Variants in RNH1 observed in about 807,000 individuals in gnomAD.
RNH1 encodes the protein ribonuclease/angiogenin inhibitor 1, also known as ribonuclease inhibitor.
A neutral mutation model predicts 46.1 loss-of-function variants in RNH1; 38 were observed. The ratio of observed to expected loss-of-function variants is 0.82; its 90% CI spans 0.64 to 1.08. The LOEUF (loss-of-function observed/expected upper bound fraction) is 1.08, where lower values mean the gene tolerates loss of function less well. Among genes scored for constraint, RNH1 ranks in the 50% least tolerant of loss-of-function variants. The pLI is 0.00. For synonymous variants in RNH1, 319 were observed against 279.1 expected, an observed-to-expected ratio of 1.14 and a Z score of -1.43; for missense variants, 577 against 590.7, an observed-to-expected ratio of 0.98 and a Z score of 0.24.
intron 5 of RNH1, 85 bp downstream of exon 5, chr11:499,744 T>G (rs1460306876): frequency 1.3e-6 from 2 of 1,529,072 alleles, no homozygotes; most frequent in African/African-American, 2.7e-5. Context: ...TCCTCACGGC[T>G]CCTGGCAGGC....
At position 497,926 on chromosome 11, in the gene RNH1, A is replaced by G. The variant is rs770439035; in HGVS notation, c.1127+45T>C. ...CTCGCCCTTGTGTGCACACACGGGCATATGATCTCCCAAATGTGCATACTC... is the reference window on the plus strand; with the variant it reads ...CTCGCCCTTGTGTGCACACACGGGCGTATGATCTCCCAAATGTGCATACTC... On this transcript the variant is annotated intron_variant, in intron 9 of 10. Coordinates refer to ENST00000354420, the MANE Select transcript of RNH1 (RefSeq NM_203387.3). 5.0e-6 allele frequency: 8 copies of G among 1,585,296 alleles called. 1 individual carries two copies. The East Asian group carries it at 1.1e-4, about 22-fold the overall frequency.
intron 5 of RNH1, 69 bp from the exon 6 acceptor site, chr11:499,254 C>T (rs1849493217): frequency 2.1e-5 from 32 of 1,553,022 alleles, no homozygotes; most frequent in Admixed American, 6.9e-5. Flanking sequence ...CCAGGGAGCA[C>T]GGGGTGTGCT....
At chr11:499,596 G>A (rs1456563921) in intron 5 of RNH1, 2 of 718,910 alleles carry the variant, frequency 2.8e-6, no homozygotes, top group Non-Finnish European at 5.0e-6. Context: ...CCTTGCAAAG[G>A]ACAACTGGAT....
At position 507,151 on chromosome 11, in the gene RNH1, C is replaced by G. The variant is rs1199878919; in HGVS notation, c.-299G>C. The stretch of plus-strand genomic sequence containing the variant: ...GCGGACGGTCGCGGGCCTGGAGACC[C>G]AGAGCGAGACGGCCTACTTCGTTCT... On this transcript the variant is annotated 5_prime_UTR_variant, in exon 1 of 11. Coordinates refer to ENST00000354420, the MANE Select transcript of RNH1 (RefSeq NM_203387.3). 4 of 152,224 alleles carry G rather than the reference C, an allele frequency of 2.6e-5. No homozygotes were observed. The highest frequency in any genetic ancestry group is 5.9e-5 in the Non-Finnish European group (4 of 68,058). The allele number at this position is 152,224 out of a possible 1,614,324, so 9.4% of individuals were successfully genotyped here.
chr11:494,855 G>A (rs774463224), intron 10 of RNH1, 28 bp downstream of exon 10: 104 of 1,610,712 alleles, frequency 6.5e-5, no homozygotes, highest in Non-Finnish European at 7.9e-5. Flanking sequence ...AGCCCTGGCC[G>A]CACCACCCGC....
At chr11:498,198 G>T in intron 8 of RNH1, 57 bp from the exon 9 acceptor site, 1 of 1,546,080 alleles carries the variant, frequency 6.5e-7, no homozygotes, top group Non-Finnish European at 8.7e-7. Context: ...CCACAGCTGC[G>T]ACTGGCCCTT....
chr11:495,753 A>T (rs576805065), intron 9 of RNH1, among the ~76,000 whole-genome samples: 3 of 152,238 alleles, frequency 2.0e-5, no homozygotes, highest in African/African-American at 7.2e-5. Flanking sequence ...CCTGGCAGGG[A>T]ACTGAAAATC....
rs767447280 is a variant in RNH1, at chr11:495,052, A to G, written c.1129T>C (p.Leu377=). Residue 377 remains leucine, a splice_region_variant and synonymous_variant, in exon 10 of 11, where the codon TTG becomes CTG. Coordinates refer to ENST00000354420, the MANE Select transcript of RNH1 (RefSeq NM_203387.3). ...QPGSVLRVLW[L]ADCDVSDSSC... is the part of the protein sequence containing the mutation. ...CTGTCACTCACATCGCAGTCGGCCA[A>G]CCTGGGTGAAGCAGGGCGGGGGTCA... 6.2e-7 allele frequency: 1 copy of G among 1,603,790 alleles called. No individual in the cohort carries two copies. Among genetic ancestry groups the G allele is most frequent in the East Asian group, 2.2e-5 (1 of 44,612 alleles).
At position 502,945 on chromosome 11, in the gene RNH1, G is replaced by T. The variant is rs1240526867; in HGVS notation, c.-87-696C>A. Reference sequence around the variant, plus strand: ...CCAGGCACAGGCCCTGAATATGGAAGGAGGTTCCTGAGGCCCTGAGAGCAC... The same window carrying T: ...CCAGGCACAGGCCCTGAATATGGAATGAGGTTCCTGAGGCCCTGAGAGCAC... On this transcript the variant is annotated intron_variant, in intron 2 of 10. Transcript: ENST00000354420. This position sits in a 1 kb window ranked among gnomAD's most constrained non-coding sequence, Gnocchi z 5.8. The T allele has an allele frequency of 6.6e-6, 1 of 152,316 alleles. No individual in the cohort carries two copies. The highest frequency in any genetic ancestry group is 1.5e-5 in the Non-Finnish European group (1 of 68,106). The allele number at this position is 152,316 out of a possible 1,614,324, so 9.4% of individuals were successfully genotyped here. A position where few individuals can be genotyped will look rare whatever the true frequency, so the allele number is the denominator to read the frequency against.
Position 502,618 on chromosome 11 carries a change from G to C in RNH1, c.-87-369C>G, listed in dbSNP as rs1849855243. The C allele has an allele frequency of 4.8e-6, 1 of 210,292 alleles. No homozygotes were observed. The highest frequency in any genetic ancestry group is 7.7e-5 in the South Asian group (1 of 12,922). 13.0% of individuals were successfully genotyped at this position (210,292 alleles called of 1,614,324 possible). On this transcript the variant is annotated intron_variant, in intron 2 of 10. Transcript: ENST00000354420. This position sits in a 1 kb window ranked among gnomAD's most constrained non-coding sequence, Gnocchi z 5.8. ...AGCAGGGGAGCAAGGGGGTCTGTGG[G>C]CTTGACCTGTGTCTCACCCTCAGGA...
At chr11:497,777 ACTCT>A (rs143514190) in intron 9 of RNH1, among the ~76,000 whole-genome samples, 190 bp downstream of exon 9, 9 of 148,834 alleles carry the variant, frequency 6.0e-5, no homozygotes, top group Admixed American at 2.7e-4. Context: ...ACACGTGCTC[ACTCT>A]CACATGCTCA....
At position 494,768 on chromosome 11, in the gene RNH1, TGTC is replaced by T. The variant is rs767062104; in HGVS notation, c.1306_1308del (p.Asp436del). On this transcript the variant is annotated inframe_deletion, in exon 11 of 11. Transcript: ENST00000354420. ...TCCTCCATCTCCTCAGACCAGTAAA[TGTC>T]GTACAGGCTGCACACAGGCCAGAAG... 22 of 1,613,774 alleles carry T rather than the reference TGTC, an allele frequency of 1.4e-5. No individual in the cohort carries two copies. The highest frequency in any genetic ancestry group is 8.8e-5 in the South Asian group (8 of 91,090).
intron 3 of RNH1, 88 bp from the exon 4 acceptor site, chr11:500,742 T>A (rs1309731271): frequency 7.2e-7 from 1 of 1,396,026 alleles, no homozygotes; most frequent in Non-Finnish European, 9.9e-7. Context: ...TTACAACCTA[T>A]CAGTGGGCCC....
Position 494,984 on chromosome 11 carries a change from G to A in RNH1, c.1197C>T (p.Ser399=). The stretch of plus-strand genomic sequence containing the variant: ...TGTTGCTGAGGTCCAGCTCACGCAG[G>A]CTGTGGTTGGCCAACAGGGTTGCGG... ...SLAATLLANH[S]LRELDLSNNC... Residue 399 remains serine, a synonymous_variant, in exon 10 of 11, where the codon AGC becomes AGT. Transcript: ENST00000354420. 4 of 1,605,462 alleles carry A rather than the reference G, an allele frequency of 2.5e-6. No homozygotes were observed. Among genetic ancestry groups the A allele is most frequent in the Non-Finnish European group, 2.6e-6 (3 of 1,176,452 alleles).
At position 498,516 on chromosome 11, in the gene RNH1, C is replaced by G. The variant is rs1156738638; in HGVS notation, c.897G>C (p.Glu299Asp). 1 of 1,613,226 alleles carries G rather than the reference C, an allele frequency of 6.2e-7. No homozygotes were observed. Among genetic ancestry groups the G allele is most frequent in the African/African-American group, 1.3e-5 (1 of 74,930 alleles). Residue 299 changes from glutamate to aspartate, a missense_variant, in exon 8 of 11, where the codon GAG becomes GAC. Coordinates refer to ENST00000354420, the MANE Select transcript of RNH1 (RefSeq NM_203387.3). ...GGGTCTCACACAGCAGTCGGGCACCCTCATCCCCCAGCTCGTTGCCGGCCA... is the reference window on the plus strand; with the variant it reads ...GGGTCTCACACAGCAGTCGGGCACCGTCATCCCCCAGCTCGTTGCCGGCCA... ...LSLAGNELGD[E>D]GARLLCETLL... is the part of the protein sequence containing the mutation.
chr11:495,658 G>C (rs987356558), intron 9 of RNH1, among the ~76,000 whole-genome samples: 1 of 152,192 alleles, frequency 6.6e-6, no homozygotes, highest in Admixed American at 6.5e-5. Flanking sequence ...GTGGCTCAGG[G>C]GGAACAAGTC....
intron 9 of RNH1, among the ~76,000 whole-genome samples, chr11:497,383 A>T (rs945040652): frequency 7.3e-6 from 1 of 137,484 alleles, no homozygotes; most frequent in Admixed American, 7.3e-5. Context: ...ATGTGCTCAC[A>T]CTCGGACACT....
chr11:502,967 G>A lies in RNH1; in HGVS notation c.-87-718C>T, dbSNP rs559557756. ...GAAGGAGGTTCCTGAGGCCCTGAGA[G>A]CACAGCTCAGGTACCCGCCAGGGGC... On this transcript the variant is annotated intron_variant, in intron 2 of 10. Coordinates refer to ENST00000354420, the MANE Select transcript of RNH1 (RefSeq NM_203387.3). The surrounding 1 kb of genome is among the most constrained non-coding windows in gnomAD (Gnocchi z 5.8). 5 of 152,442 alleles carry A rather than the reference G, an allele frequency of 3.3e-5. No individual in the cohort carries two copies. Among genetic ancestry groups the A allele is most frequent in the Admixed American group, 2.0e-4 (3 of 15,306 alleles). The allele number at this position is 152,442 out of a possible 1,614,324, so 9.4% of individuals were successfully genotyped here.
In RNH1 at chr11:501,754, G is replaced by C; in HGVS notation, c.101+308C>G. 2.4e-6 allele frequency: 1 copy of C among 415,100 alleles called. No homozygotes were observed. The highest frequency in any genetic ancestry group is 4.5e-6 in the Non-Finnish European group (1 of 224,358). The allele number at this position is 415,100 out of a possible 1,614,324, so 25.7% of individuals were successfully genotyped here. ...GGCTCACGGAGGGGACCCAAGCTGT[G>C]TCCTGCCCTCGTGTCTCCAAGGGAG... On this transcript the variant is annotated intron_variant, in intron 3 of 10. Transcript: ENST00000354420. This position sits in a 1 kb window ranked among gnomAD's most constrained non-coding sequence, Gnocchi z 4.1.
Sources: gnomAD v4.1 joint callset for allele counts (sites outside exome capture counted in the v4.1 genomes callset) on GRCh38, gnomAD v4.1.1 for gene constraint, Gnocchi (gnomAD v3.1) non-coding constraint, MANE v1.5 for transcripts, NCBI Gene and HGNC (gene_info 2026-07-23, HGNC 2026-07-21) for gene names.